Variants in MCF2L observed in about 807,000 individuals in gnomAD.
The protein encoded by MCF2L is guanine nucleotide exchange factor DBS.
MCF2L carries 97 observed loss-of-function variants against 153.4 expected under a neutral mutation model. That is an observed-to-expected ratio of 0.63 (90% confidence interval 0.54 to 0.75). The LOEUF (loss-of-function observed/expected upper bound fraction) is 0.75. MCF2L is among the 30% of genes least tolerant of loss of function. The pLI, the probability that MCF2L is intolerant of heterozygous loss-of-function variation, is 0.00. For synonymous variants in MCF2L, 659 were observed against 632.2 expected (o/e 1.04, Z -0.64); for missense variants, 1,347 against 1,495.2 (o/e 0.90, Z 1.64).
chr13:112,985,580 C>T, intron 1 of MCF2L: 1 of 421,358 alleles, frequency 2.4e-6, no homozygotes, highest in Non-Finnish European at 5.0e-6. Context: ...TCTGTGGATG[C>T]CCCGTGCTCC....
chr13:113,060,527 C>G (rs1464460230), intron 4 of MCF2L, 66 bp from the exon 5 acceptor site: 2 of 1,585,600 alleles, frequency 1.3e-6, no homozygotes, highest in African/African-American at 2.7e-5. Context: ...CGTGCAGGCA[C>G]CGCACTAGGG....
At chr13:113,034,261 C>G (rs1299046548) in intron 3 of MCF2L, 1 of 152,194 alleles carries the variant, frequency 6.6e-6, no homozygotes, top group East Asian at 1.9e-4. Context: ...CTCAGCCTCC[C>G]GAGTAGCTGG....
At chr13:112,997,104 C>T (rs2083171978) in intron 1 of MCF2L, among the ~76,000 whole-genome samples, 1 of 152,244 alleles carries the variant, frequency 6.6e-6, no homozygotes, top group African/African-American at 2.4e-5. Flanking sequence ...CTGAGATCAT[C>T]TCGTCCTCAC....
At position 113,097,978 on chromosome 13, in the gene MCF2L, T is replaced by C. The variant is rs1193466895; in HGVS notation, c.*1119T>C. 1 of 152,274 alleles carries C rather than the reference T, an allele frequency of 6.6e-6. No homozygotes were observed. Among genetic ancestry groups the C allele is most frequent in the African/African-American group, 2.4e-5 (1 of 41,478 alleles). 9.4% of individuals were successfully genotyped at this position (152,274 alleles called of 1,614,324 possible). A position where few individuals can be genotyped will look rare whatever the true frequency, so the allele number is the denominator to read the frequency against. On this transcript the variant is annotated 3_prime_UTR_variant, in exon 30 of 30. Transcript: ENST00000535094. ...CAGCAGAACTGGAAAAAAACTCTTC[T>C]GTTTTACCAACTTCTTGTGTTTCAG...
chr13:113,096,178 T>G (rs1595050099), intron 27 of MCF2L, 193 bp from the exon 28 acceptor site: 2 of 600,700 alleles, frequency 3.3e-6, no homozygotes, highest in Non-Finnish European at 5.9e-6. Flanking sequence ...ACAGACGCCT[T>G]CCATCGCCGC....
rs1194725361 is a variant in MCF2L, at chr13:113,064,639, A to T, written c.606+219A>T. 1 of 143,790 alleles carries T rather than the reference A, an allele frequency of 7.0e-6. No homozygotes were observed. Among genetic ancestry groups the T allele is most frequent in the African/African-American group, 3.1e-5 (1 of 32,124 alleles). 8.9% of individuals were successfully genotyped at this position (143,790 alleles called of 1,614,324 possible). A position where few individuals can be genotyped will look rare whatever the true frequency, so the allele number is the denominator to read the frequency against. ...GTGGCTTTCTCTGGGCTTGGAGACC[A>T]AAAAAAAAAAAAAAACCCTTGCGTT... is the stretch of plus-strand genomic sequence containing the variant. On this transcript the variant is annotated intron_variant, in intron 6 of 29. Coordinates refer to ENST00000535094, the MANE Select transcript of MCF2L (RefSeq NM_001112732.3). This position sits in a 1 kb window ranked among gnomAD's most constrained non-coding sequence, Gnocchi z 6.0.
intron 2 of MCF2L, among the ~76,000 whole-genome samples, chr13:112,931,004 C>G (rs2081457066): frequency 6.6e-6 from 1 of 152,122 alleles, no homozygotes; most frequent in Admixed American, 6.5e-5. Flanking sequence ...ATGCAGGAAC[C>G]AGGAGACACA....
intron 2 of MCF2L, among the ~76,000 whole-genome samples, chr13:113,023,650 A>G (rs2085046602): frequency 2.0e-5 from 3 of 152,214 alleles, no homozygotes; most frequent in Admixed American, 2.0e-4. Context: ...GTTAGCTTGA[A>G]AAGCCCTATT....
chr13:113,003,553 T>C (rs4907574), intron 1 of MCF2L, among the ~76,000 whole-genome samples: 84,904 of 151,912 alleles, frequency 0.56, 23,994 homozygotes, highest in Non-Finnish European at 0.6. Context: ...CCCCTGGTTT[T>C]GCACCCCTGA....
At position 112,926,804 on chromosome 13, in the gene MCF2L, C is replaced by T. The variant is rs74115718; in HGVS notation, c.169+24433C>T. ...AGTGGCGGTCGCCTGGGGCAGGGGG[C>T]GGGGTGGGATGTGCTGGGAAGATGT... On this transcript the variant is annotated intron_variant, in intron 2 of 29. Coordinates refer to the MCF2L transcript ENST00000375608. 6.1e-3 allele frequency among the ~76,000 whole-genome samples: 914 copies of T among 148,884 alleles called. 6 individuals are homozygous for T. The highest frequency in any genetic ancestry group is 0.021 in the African/African-American group (852 of 40,824).
rs201412482 is a variant in MCF2L, at chr13:113,075,179, G to A, written c.1298G>A (p.Arg433His). 1.1e-4 allele frequency: 172 copies of A among 1,594,716 alleles called. No homozygotes were observed. Among genetic ancestry groups the A allele is most frequent in the Admixed American group, 7.7e-4 (46 of 59,496 alleles). ...LLSKSLELHR[R>H]LETSMKWCDE... ...AGCAAGTCCCTGGAGCTGCACCGCC[G>A]CCTGGAGACGGTAGGCCGAGCCGGA... is the stretch of plus-strand genomic sequence containing the variant. The change falls in exon 11 of 30, where the codon CGC becomes CAC. Residue 433 changes from arginine (R) to histidine (H), a missense_variant. Physicochemically the swap from Arg to His is conservative, Grantham distance 29. Around this residue, in one of 3 missense-constraint regions of MCF2L, gnomAD observed 820 missense variants for 921.2 expected, o/e 0.89. Transcript: ENST00000535094.
intron 13 of MCF2L, 132 bp downstream of exon 13, chr13:113,077,343 G>A (rs1332290264): frequency 9.9e-6 from 11 of 1,111,068 alleles, no homozygotes; most frequent in Non-Finnish European, 1.4e-5. Flanking sequence ...TCCACCTCCG[G>A]GCCCCAGTTC....
At chr13:112,988,871 A>ACG in intron 1 of MCF2L, among the ~76,000 whole-genome samples, 1 of 109,240 alleles carries the variant, frequency 9.2e-6, no homozygotes, top group East Asian at 2.6e-4. Context: ...TGAGCAGGGG[A>ACG]TGGAGCTACC....
chr13:113,020,533 C>T (rs912174446), intron 2 of MCF2L, among the ~76,000 whole-genome samples: 3 of 152,240 alleles, frequency 2.0e-5, no homozygotes, highest in African/African-American at 7.2e-5. Flanking sequence ...CGGATGAAGG[C>T]ACCGGCAGAT....
rs764283624 is a variant in MCF2L, at chr13:112,969,377, AG to A, written c.-1del. ...GCCAGGATCATTTTTGTTGTGTCGG[AG>A]GATGAGGTTTTGGCTGAGGACTGAA... On this transcript the variant is annotated 5_prime_UTR_variant, in exon 1 of 30. Coordinates refer to ENST00000535094, the MANE Select transcript of MCF2L (RefSeq NM_001112732.3). The surrounding 1 kb of genome is among the most constrained non-coding windows in gnomAD (Gnocchi z 4.8). 49 of 1,550,024 alleles carry A rather than the reference AG, an allele frequency of 3.2e-5. No homozygotes were observed. In the South Asian group the frequency reaches 5.2e-4, roughly 17 times the overall value.
At chr13:113,012,043 C>T (rs1457469980) in intron 1 of MCF2L, among the ~76,000 whole-genome samples, 6 of 114,354 alleles carry the variant, frequency 5.2e-5, no homozygotes, top group Admixed American at 8.9e-5. Flanking sequence ...GTGGTGTGGA[C>T]GGTGGACACT....
chr13:113,077,350 G>T lies in MCF2L; in HGVS notation c.1660+139G>T, dbSNP rs1594949344. 69 of 1,045,350 alleles carry T rather than the reference G, an allele frequency of 6.6e-5. 2 individuals are homozygous for T. The South Asian group carries it at 1.2e-3, about 18-fold the overall frequency. 64.8% of individuals were successfully genotyped at this position (1,045,350 alleles called of 1,614,324 possible). ...CCTCCCCTTCCACCTCCGGGCCCCA[G>T]TTCAGGGCCTGAGGGCCGGTTCCCG... On this transcript the variant is annotated intron_variant, in intron 13 of 29. Transcript: ENST00000535094.
chr13:113,036,241 A>C (rs567841811), intron 3 of MCF2L, among the ~76,000 whole-genome samples: 2 of 152,322 alleles, frequency 1.3e-5, no homozygotes, highest in Admixed American at 1.3e-4. Flanking sequence ...TGACGCCACC[A>C]TTCTCTTTTA....
chr13:112,914,170 T>C (rs1008032958), intron 2 of MCF2L, among the ~76,000 whole-genome samples: 3 of 152,242 alleles, frequency 2.0e-5, no homozygotes, highest in African/African-American at 7.2e-5. Context: ...GGCTTGAGGA[T>C]TCTTGCTCTG....
Sources: allele counts gnomAD v4.1 joint callset (sites outside exome capture counted in the v4.1 genomes callset), GRCh38; gene constraint gnomAD v4.1.1; regional missense constraint gnomAD v4.1.1; non-coding constraint Gnocchi (gnomAD v3.1); transcripts MANE v1.5; gene names NCBI Gene and HGNC (gene_info 2026-07-23, HGNC 2026-07-21).